NNT: variants seen among roughly 807,000 people sequenced by gnomAD.
The protein encoded by NNT is NAD(P) transhydrogenase, mitochondrial.
NNT carries 50 observed loss-of-function variants against 104.8 expected under a neutral mutation model. The observed-to-expected ratio is 0.48, with a 90% confidence interval of 0.38 to 0.60. The LOEUF is 0.60. NNT is among the 20% of genes least tolerant of loss of function. The probability of loss-of-function intolerance (pLI) is 0.00; values close to 1 mark genes in which losing one functional copy is unlikely to be tolerated. For synonymous variants in NNT, 461 were observed against 490.4 expected, an observed-to-expected ratio of 0.94 and a Z score of 0.79; for missense variants, 1,131 against 1,330.7, an observed-to-expected ratio of 0.85 and a Z score of 2.33.
chr5:43,680,402 C>T (rs946865692), intron 19 of NNT, among the ~76,000 whole-genome samples: 8 of 152,230 alleles, frequency 5.3e-5, no homozygotes, highest in Non-Finnish European at 8.8e-5. Flanking sequence ...CTCTGTGGAG[C>T]TCCCACGGTG....
At chr5:43,687,196 A>T (rs939355314) in intron 19 of NNT, among the ~76,000 whole-genome samples, 3 of 152,308 alleles carry the variant, frequency 2.0e-5, no homozygotes, top group East Asian at 3.9e-4. Context: ...AAGTAGATGC[A>T]TAAAGGAAGA....
At position 43,644,626 on chromosome 5, in the gene NNT, G is replaced by A; in HGVS notation, c.1114G>A (p.Gly372Ser). Reference protein sequence around the residue: ...LYIHKGITHIGYTDLPSRMAT... With the variant: ...LYIHKGITHISYTDLPSRMAT... Reference sequence around the variant, plus strand: ...GTTCATTTAGGGAATTACTCACATAGGCTACACAGACCTGCCCAGCCGAAT... The same window carrying A: ...GTTCATTTAGGGAATTACTCACATAAGCTACACAGACCTGCCCAGCCGAAT... Residue 372 changes from glycine to serine, a missense_variant, in exon 9 of 22, where the codon GGC becomes AGC. By Grantham distance (56) the Gly-to-Ser change is moderately conservative (BLOSUM62 0). Transcript: ENST00000344920. 6.2e-7 allele frequency: 1 copy of A among 1,613,056 alleles called. No individual in the cohort carries two copies. The highest frequency in any genetic ancestry group is 1.1e-5 in the South Asian group (1 of 90,928).
chr5:43,678,411 T>A (rs1246172929), intron 19 of NNT, among the ~76,000 whole-genome samples: 1 of 152,246 alleles, frequency 6.6e-6, no homozygotes, highest in Non-Finnish European at 1.5e-5. Flanking sequence ...TCTTACTATT[T>A]AGATTTTGCT....
chr5:43,654,441 T>G (rs569211653), intron 14 of NNT, among the ~76,000 whole-genome samples: 2 of 152,266 alleles, frequency 1.3e-5, no homozygotes, highest in Admixed American at 1.3e-4. Context: ...ATTTGAAAAC[T>G]ATTATCAGAT....
chr5:43,700,828 C>G (rs141901739), intron 20 of NNT, among the ~76,000 whole-genome samples: 298 of 152,328 alleles, frequency 2.0e-3, no homozygotes, highest in African/African-American at 6.9e-3. Context: ...TTCCCTCTGG[C>G]AAATATCCAC....
intron 17 of NNT, among the ~76,000 whole-genome samples, chr5:43,673,335 C>T (rs1368948890): frequency 1.3e-5 from 2 of 152,192 alleles, no homozygotes; most frequent in African/African-American, 4.8e-5. Flanking sequence ...AACCCGGTAC[C>T]TCAGTTGGAA....
At chr5:43,613,776 A>G (rs376387885) in intron 3 of NNT, 2 of 152,370 alleles carry the variant, frequency 1.3e-5, no homozygotes, top group South Asian at 2.1e-4. Flanking sequence ...AGAGTTGAGC[A>G]TTAAATTAAA....
At chr5:43,650,954 A>G (rs1739726132) in intron 12 of NNT, among the ~76,000 whole-genome samples, 1 of 152,238 alleles carries the variant, frequency 6.6e-6, no homozygotes, top group African/African-American at 2.4e-5. Context: ...TGTTACTGGA[A>G]ACTGAAAGCC....
chr5:43,668,244 G>GTTT (rs57590117), intron 17 of NNT, among the ~76,000 whole-genome samples: 65 of 138,324 alleles, frequency 4.7e-4, no homozygotes, highest in African/African-American at 1.6e-3. Context: ...TCTGATGGTG[G>GTTT]TTTTTTTTTT....
intron 17 of NNT, among the ~76,000 whole-genome samples, chr5:43,670,535 A>T (rs1741001311): frequency 1.3e-5 from 2 of 152,188 alleles, no homozygotes; most frequent in South Asian, 4.1e-4. Context: ...TCATTTCATT[A>T]TGTACCCAGT....
At chr5:43,693,042 A>T (rs1347521648) in intron 19 of NNT, among the ~76,000 whole-genome samples, 31 of 148,036 alleles carry the variant, frequency 2.1e-4, no homozygotes, top group East Asian at 2.0e-3. Flanking sequence ...AGCTTTATTT[A>T]TTTTTTTTTT....
chr5:43,683,963 G>A (rs529510562), intron 19 of NNT, among the ~76,000 whole-genome samples: 1 of 152,252 alleles, frequency 6.6e-6, no homozygotes, highest in East Asian at 1.9e-4. Context: ...CTCTCCTCAG[G>A]ATGGAAAAGG....
At chr5:43,643,497 T>C (rs1037719400) in intron 7 of NNT, among the ~76,000 whole-genome samples, 1 of 152,218 alleles carries the variant, frequency 6.6e-6, no homozygotes, top group Non-Finnish European at 1.5e-5. Context: ...TTTTTGTTTA[T>C]TTACCACTGT....
intron 18 of NNT, among the ~76,000 whole-genome samples, chr5:43,677,409 A>T (rs1356043905): frequency 1.3e-5 from 2 of 151,600 alleles, no homozygotes; most frequent in Admixed American, 1.3e-4. Flanking sequence ...TGAGAGAGAG[A>T]GAGAGAGAGA....
intron 6 of NNT, among the ~76,000 whole-genome samples, chr5:43,627,205 C>T (rs1750417913): frequency 6.6e-6 from 1 of 152,174 alleles, no homozygotes; most frequent in Non-Finnish European, 1.5e-5. Flanking sequence ...GCAATCTGGG[C>T]TACCAGATTC....
chr5:43,703,044 A>G (rs1742940926), intron 21 of NNT, among the ~76,000 whole-genome samples: 2 of 152,324 alleles, frequency 1.3e-5, no homozygotes, highest in South Asian at 4.1e-4. Context: ...TTCCAGATCG[A>G]GTCCTGTGAA....
At chr5:43,649,953 C>T (rs940346809) in intron 11 of NNT, among the ~76,000 whole-genome samples, 7 of 152,172 alleles carry the variant, frequency 4.6e-5, no homozygotes, top group Non-Finnish European at 8.8e-5. Context: ...GGCCAATAGT[C>T]ATCTTTTATA....
At chr5:43,625,638 G>A (rs1750321147) in intron 6 of NNT, among the ~76,000 whole-genome samples, 1 of 151,988 alleles carries the variant, frequency 6.6e-6, no homozygotes, top group Admixed American at 6.6e-5. Flanking sequence ...ATTGCCCAAT[G>A]GTATTTAAAT....
chr5:43,665,740 T>G lies in NNT; in HGVS notation c.2634+6390T>G, dbSNP rs527875571. ...TCATGGCCCGTTCTCAAGGAGCTGT[T>G]GGGTACACCTCCCAGACGGGGTGGT... On this transcript the variant is annotated intron_variant, in intron 17 of 21. Coordinates refer to ENST00000344920, the MANE Select transcript of NNT (RefSeq NM_182977.3). Among the ~76,000 whole-genome samples the G allele has an allele frequency of 5.6e-4, 77 of 138,628 alleles. 2 individuals carry two copies. The highest frequency in any genetic ancestry group is 1.8e-3 in the African/African-American group (72 of 41,036). 90.9% of individuals were successfully genotyped at this position (138,628 alleles called of 152,430 possible).
Sources: allele counts gnomAD v4.1 joint callset (sites outside exome capture counted in the v4.1 genomes callset), GRCh38; gene constraint gnomAD v4.1.1; transcripts MANE v1.5; gene names NCBI Gene and HGNC (gene_info 2026-07-23, HGNC 2026-07-21).